The following KIAA1217 variants were observed in gnomAD, a reference collection of about 807,000 sequenced individuals.
KIAA1217 encodes the protein KIAA1217.
KIAA1217 carries 88 observed loss-of-function variants against 163.9 expected under a neutral mutation model. That is an observed-to-expected ratio of 0.54 (90% CI 0.45 to 0.64). The LOEUF (loss-of-function observed/expected upper bound fraction) is 0.64, where lower values mean the gene tolerates loss of function less well. KIAA1217 is among the 30% of genes least tolerant of loss of function. The probability of loss-of-function intolerance (pLI) is 0.00; values close to 1 mark genes in which losing one functional copy is unlikely to be tolerated. For synonymous variants in KIAA1217, 903 were observed against 923.1 expected (o/e 0.98, Z 0.39); for missense variants, 2,372 against 2,475.0 (o/e 0.96, Z 0.88).
intron 1 of KIAA1217, chr10:23,877,644 C>T (rs1314808744): frequency 2.0e-5 from 3 of 151,970 alleles, no homozygotes; most frequent in African/African-American, 7.2e-5. Context: ...GTCAGATATG[C>T]ACAACGTGTG....
intron 3 of KIAA1217, among the ~76,000 whole-genome samples, chr10:24,425,034 A>G (rs1325052393): frequency 3.9e-5 from 6 of 152,214 alleles, no homozygotes; most frequent in Non-Finnish European, 8.8e-5. Context: ...TGTACATTCT[A>G]CCAACTCTAC....
chr10:24,372,253 C>G (rs1250030264), intron 2 of KIAA1217, among the ~76,000 whole-genome samples: 1 of 152,082 alleles, frequency 6.6e-6, no homozygotes. Context: ...ATCTCCTTGA[C>G]TGACTAGAAC....
At position 23,727,389 on chromosome 10, in the gene KIAA1217, G is replaced by A. The variant is rs184351602; in HGVS notation, c.-321+32155G>A. ...AGCCTGGCCAACATGGTGAAACTCT[G>A]TCTCTACTAAAAATACAAAAATTAG... is the stretch of plus-strand genomic sequence containing the variant. On this transcript the variant is annotated intron_variant, in intron 1 of 18. Transcript: ENST00000376462. Among the ~76,000 whole-genome samples the A allele has an allele frequency of 9.1e-3, 1,388 of 152,070 alleles. 21 individuals are homozygous for A. The highest frequency in any genetic ancestry group is 0.032 in the African/African-American group (1,321 of 41,490).
At chr10:23,872,115 G>C (rs1840482625) in intron 1 of KIAA1217, among the ~76,000 whole-genome samples, 1 of 152,060 alleles carries the variant, frequency 6.6e-6, no homozygotes, top group Non-Finnish European at 1.5e-5. Flanking sequence ...TTTAGAAGAG[G>C]TATTGCAAGT....
chr10:24,515,162 G>A (rs551986134), intron 10 of KIAA1217, among the ~76,000 whole-genome samples: 1 of 151,900 alleles, frequency 6.6e-6, no homozygotes, highest in East Asian at 2.0e-4. Context: ...CAACTCCTGG[G>A]TTCAAGCCTA....
intron 2 of KIAA1217, among the ~76,000 whole-genome samples, chr10:24,363,307 G>GA (rs1360099061): frequency 3.3e-5 from 5 of 152,080 alleles, no homozygotes; most frequent in Non-Finnish European, 5.9e-5. Flanking sequence ...CATTAGGAAA[G>GA]AAACTCTGAA....
chr10:24,484,239 ATATTTTTTTT>A (rs1164931559), intron 6 of KIAA1217, among the ~76,000 whole-genome samples: 1,034 of 86,142 alleles, frequency 0.012, 6 homozygotes, highest in Non-Finnish European at 0.019. Flanking sequence ...ATATATATAT[ATATTTTTTTT>A]TTTTTTTTTT....
chr10:24,001,617 T>C (rs1008874161), intron 1 of KIAA1217, among the ~76,000 whole-genome samples: 22 of 152,194 alleles, frequency 1.4e-4, no homozygotes, highest in African/African-American at 5.1e-4. Flanking sequence ...ATTTTATAGA[T>C]GAGGAAACAG....
chr10:24,291,766 GA>G (rs74948505), intron 2 of KIAA1217, among the ~76,000 whole-genome samples: 1,864 of 148,980 alleles, frequency 0.013, 33 homozygotes, highest in East Asian at 0.088. Context: ...CCGATGTGGA[GA>G]AAAAAAAAAT....
chr10:24,354,259 C>A (rs115949763), intron 2 of KIAA1217, among the ~76,000 whole-genome samples: 107 of 152,276 alleles, frequency 7.0e-4, no homozygotes, highest in African/African-American at 2.3e-3. Context: ...AGTTCCCGGA[C>A]CCCCCTCACA....
intron 6 of KIAA1217, among the ~76,000 whole-genome samples, chr10:24,487,376 G>C (rs772130808): frequency 6.6e-6 from 1 of 152,232 alleles, no homozygotes; most frequent in Admixed American, 6.5e-5. Flanking sequence ...CTCAGCGCCC[G>C]TCATGGTGCT....
At chr10:24,163,972 G>A (rs928127836) in intron 2 of KIAA1217, among the ~76,000 whole-genome samples, 11 of 152,104 alleles carry the variant, frequency 7.2e-5, no homozygotes, top group Non-Finnish European at 1.2e-4. Context: ...GAGTCCAGCC[G>A]GGGCAACATA....
At chr10:24,342,378 T>C (rs1408428593) in intron 2 of KIAA1217, among the ~76,000 whole-genome samples, 1 of 152,202 alleles carries the variant, frequency 6.6e-6, no homozygotes, top group Non-Finnish European at 1.5e-5. Context: ...TATATGTACA[T>C]GGAAAAACTT....
At chr10:24,375,155 G>C (rs919448439) in intron 2 of KIAA1217, among the ~76,000 whole-genome samples, 2 of 152,168 alleles carry the variant, frequency 1.3e-5, no homozygotes, top group African/African-American at 4.8e-5. Context: ...GGCAGGTGGT[G>C]GCCAACTGGA....
intron 2 of KIAA1217, among the ~76,000 whole-genome samples, chr10:24,247,124 C>CTTTTTT (rs10648557): frequency 7.2e-6 from 1 of 138,308 alleles, no homozygotes; most frequent in African/African-American, 2.7e-5. Flanking sequence ...ATTTTCTTTT[C>CTTTTTT]TTTTTTTTTT....
chr10:24,098,323 G>A (rs1324438261), intron 2 of KIAA1217, among the ~76,000 whole-genome samples: 1 of 152,040 alleles, frequency 6.6e-6, no homozygotes, highest in African/African-American at 2.4e-5. Flanking sequence ...TACACTTAGA[G>A]GAAAAATAAA....
chr10:23,722,106 GT>G (rs1837904637), intron 1 of KIAA1217, among the ~76,000 whole-genome samples: 1 of 152,142 alleles, frequency 6.6e-6, no homozygotes, highest in Non-Finnish European at 1.5e-5. Context: ...GACAAATACT[GT>G]ATGAATCCAA....
At chr10:24,066,239 G>C (rs2060940239) in intron 2 of KIAA1217, among the ~76,000 whole-genome samples, 1 of 152,040 alleles carries the variant, frequency 6.6e-6, no homozygotes, top group South Asian at 2.1e-4. Context: ...TCCTAGCCTT[G>C]ACGGTCTTTA....
At chr10:24,138,152 TG>T (rs1179195416) in intron 2 of KIAA1217, among the ~76,000 whole-genome samples, 1 of 152,206 alleles carries the variant, frequency 6.6e-6, no homozygotes, top group African/African-American at 2.4e-5. Flanking sequence ...GGGAGGTTTT[TG>T]CTTTTTGGTT....
Sources: gnomAD v4.1 joint callset for allele counts (sites outside exome capture counted in the v4.1 genomes callset) on GRCh38, gnomAD v4.1.1 for gene constraint, MANE v1.5 for transcripts, NCBI Gene and HGNC (gene_info 2026-07-23, HGNC 2026-07-21) for gene names.